Variants in SV2C observed in about 807,000 individuals in gnomAD.
The protein encoded by SV2C is solute carrier family 22 member B3.
A neutral mutation model predicts 79.7 loss-of-function variants in SV2C; 49 were observed. The ratio of observed to expected loss-of-function variants is 0.61; its 90% CI spans 0.49 to 0.78. The LOEUF (loss-of-function observed/expected upper bound fraction) is 0.78, where lower values mean the gene tolerates loss of function less well. Ranked by LOEUF, SV2C falls within the 30% of genes least tolerant of loss-of-function variation. The pLI, the probability that SV2C is intolerant of heterozygous loss-of-function variation, is 0.00. For missense variants in SV2C, 833 were observed against 912.9 expected (o/e 0.91, Z 1.13); for synonymous variants, 334 against 333.2 (o/e 1.00, Z -0.03).
the SV2C span, among the ~76,000 whole-genome samples, chr5:76,029,968 T>C: frequency 1.3e-5 from 2 of 152,158 alleles, no homozygotes; most frequent in African/African-American, 4.8e-5. Context: ...TCAGAACTTA[T>C]TGAATGGAGC....
chr5:76,343,411 A>T (rs1027554687), intron 12 of SV2C, among the ~76,000 whole-genome samples: 1 of 152,250 alleles, frequency 6.6e-6, no homozygotes, highest in Admixed American at 6.5e-5. Flanking sequence ...ACTTAAACAT[A>T]AACTTCACCG....
chr5:75,949,543 A>T, the SV2C span, among the ~76,000 whole-genome samples: 1 of 151,876 alleles, frequency 6.6e-6, no homozygotes, highest in Non-Finnish European at 1.5e-5. Flanking sequence ...TGTGGGAGGG[A>T]CGTGGTGGGA....
chr5:76,011,198 T>C, the SV2C span, among the ~76,000 whole-genome samples: 14 of 152,206 alleles, frequency 9.2e-5, no homozygotes, highest in Non-Finnish European at 1.6e-4. Flanking sequence ...AGACTCTGGC[T>C]TCTATATGTT....
intron 2 of SV2C, among the ~76,000 whole-genome samples, chr5:76,142,580 G>A (rs1404197707): frequency 1.3e-5 from 2 of 152,098 alleles, no homozygotes; most frequent in Non-Finnish European, 2.9e-5. Flanking sequence ...CTGTTACTGA[G>A]CATTTGAATG....
intron 2 of SV2C, among the ~76,000 whole-genome samples, chr5:76,139,163 G>A (rs1287259015): frequency 6.6e-6 from 1 of 151,900 alleles, no homozygotes; most frequent in African/African-American, 2.4e-5. Context: ...ACTCAGTAGA[G>A]GAGGAATACC....
At chr5:76,084,857 C>T (rs1747125693) in intron 1 of SV2C, among the ~76,000 whole-genome samples, 1 of 151,668 alleles carries the variant, frequency 6.6e-6, no homozygotes. Flanking sequence ...CGCGGGGCGG[C>T]GAGGAAAGCC....
intron 4 of SV2C, among the ~76,000 whole-genome samples, chr5:76,281,914 T>C (rs1300409141): frequency 6.6e-6 from 1 of 152,234 alleles, no homozygotes; most frequent in Non-Finnish European, 1.5e-5. Context: ...TAATAACACT[T>C]ACAAAGCCCC....
the SV2C span, among the ~76,000 whole-genome samples, chr5:76,030,485 T>C: frequency 1.3e-5 from 2 of 152,146 alleles, no homozygotes; most frequent in East Asian, 3.9e-4. Context: ...ATCTGGGAAC[T>C]ATTACCCTAG....
chr5:76,245,669 A>C (rs1293618786), intron 4 of SV2C, among the ~76,000 whole-genome samples: 1 of 152,198 alleles, frequency 6.6e-6, no homozygotes, highest in African/African-American at 2.4e-5. Context: ...TAGTTACTGC[A>C]GTCTCCACCA....
chr5:76,113,587 G>A (rs1748163393), intron 1 of SV2C, among the ~76,000 whole-genome samples: 1 of 152,120 alleles, frequency 6.6e-6, no homozygotes, highest in African/African-American at 2.4e-5. Flanking sequence ...TCAAACATTG[G>A]TGGAATATTC....
the SV2C span, among the ~76,000 whole-genome samples, chr5:75,970,057 C>A: frequency 1.1e-4 from 16 of 152,088 alleles, no homozygotes; most frequent in African/African-American, 3.9e-4. Context: ...ACTGAACAAT[C>A]TGCTCCTGAA....
At chr5:76,057,001 T>G in the SV2C span, among the ~76,000 whole-genome samples, 1 of 152,154 alleles carries the variant, frequency 6.6e-6, no homozygotes, top group Non-Finnish European at 1.5e-5. Context: ...CCTTCAGTTC[T>G]GCTCTGATCT....
intron 1 of SV2C, among the ~76,000 whole-genome samples, chr5:76,118,691 AT>A (rs1314136551): frequency 7.2e-5 from 11 of 152,188 alleles, no homozygotes; most frequent in African/African-American, 2.4e-4. Context: ...TATTAAAAAA[AT>A]CAAAACTGGC....
At chr5:75,865,320 A>G in the SV2C span, among the ~76,000 whole-genome samples, 2 of 152,350 alleles carry the variant, frequency 1.3e-5, no homozygotes, top group African/African-American at 4.8e-5. Flanking sequence ...AGATCAGTCC[A>G]GATCCCCATG....
At chr5:75,941,258 G>A in the SV2C span, among the ~76,000 whole-genome samples, 32 of 152,268 alleles carry the variant, frequency 2.1e-4, no homozygotes, top group Admixed American at 9.8e-4. Context: ...AATTGGTTGC[G>A]TCTTTAATAA....
At chr5:76,227,367 C>T (rs1323436925) in intron 4 of SV2C, among the ~76,000 whole-genome samples, 1 of 152,106 alleles carries the variant, frequency 6.6e-6, no homozygotes, top group East Asian at 1.9e-4. Flanking sequence ...GTTCCACAAA[C>T]ATAGAGAAAG....
At chr5:76,262,644 T>C (rs1746512776) in intron 4 of SV2C, among the ~76,000 whole-genome samples, 1 of 152,222 alleles carries the variant, frequency 6.6e-6, no homozygotes, top group Non-Finnish European at 1.5e-5. Flanking sequence ...TTATTCTCAT[T>C]GGTTTCAAAG....
chr5:75,888,343 A>AT, the SV2C span, among the ~76,000 whole-genome samples: 2 of 147,778 alleles, frequency 1.4e-5, no homozygotes. Flanking sequence ...AAAAAAAAAA[A>AT]ATTTTTTTTT....
chr5:75,955,980 C>T, the SV2C span, among the ~76,000 whole-genome samples: 1 of 150,360 alleles, frequency 6.7e-6, no homozygotes, highest in Non-Finnish European at 1.5e-5. Flanking sequence ...TTGTGGAAGT[C>T]AGTGTGGCGA....
Sources: allele counts gnomAD v4.1 joint callset (sites outside exome capture counted in the v4.1 genomes callset), GRCh38; gene constraint gnomAD v4.1.1; transcripts MANE v1.5; gene names NCBI Gene and HGNC (gene_info 2026-07-23, HGNC 2026-07-21).